PTPRK: variants seen among roughly 807,000 people sequenced by gnomAD.
PTPRK encodes the protein protein tyrosine phosphatase receptor type K, also known as receptor-type tyrosine-protein phosphatase kappa.
In PTPRK, 75 loss-of-function variants were observed where a neutral mutation model predicts 178.0. The observed-to-expected ratio is 0.42, with a 90% CI of 0.35 to 0.51. PTPRK has a LOEUF of 0.51. PTPRK is among the 20% of genes least tolerant of loss of function. The pLI, the probability that PTPRK is intolerant of heterozygous loss-of-function variation, is 0.02. For synonymous variants in PTPRK, 637 were observed against 620.6 expected (o/e 1.03, Z -0.39); for missense variants, 1,441 against 1,797.8 (o/e 0.80, Z 3.59).
chr6:128,456,297 G>A (rs952844172), intron 1 of PTPRK, among the ~76,000 whole-genome samples: 1 of 151,966 alleles, frequency 6.6e-6, no homozygotes, highest in Non-Finnish European at 1.5e-5. Flanking sequence ...CAGCCAGGGA[G>A]GCAGAAGCCC....
At chr6:128,491,263 A>T (rs1205869701) in intron 1 of PTPRK, among the ~76,000 whole-genome samples, 4 of 152,236 alleles carry the variant, frequency 2.6e-5, no homozygotes, top group Non-Finnish European at 5.9e-5. Flanking sequence ...TCTGTCTTTA[A>T]GATTTCTTGT....
chr6:128,126,059 G>C (rs1031807327), intron 7 of PTPRK, among the ~76,000 whole-genome samples: 5 of 151,404 alleles, frequency 3.3e-5, no homozygotes, highest in Non-Finnish European at 5.9e-5. Context: ...CTATTTTAAG[G>C]CTTTTTTTTT....
chr6:128,010,612 C>T lies in PTPRK; in HGVS notation c.2195-1344G>A, dbSNP rs187894984. On this transcript the variant is annotated intron_variant, in intron 13 of 29. Transcript: ENST00000368226. ...CTATTAATTTCTCAAAGTAAGAAAT[C>T]TGAAAGAATAAATATATCTAATGTA... Among the ~76,000 whole-genome samples the T allele has an allele frequency of 5.4e-3, 818 of 151,204 alleles. 6 individuals are homozygous for T. Among genetic ancestry groups the T allele is most frequent in the Non-Finnish European group, 8.8e-3 (595 of 67,468 alleles).
In PTPRK at chr6:127,990,852, C is replaced by T; in HGVS notation, c.3013G>A (p.Glu1005Lys). The T allele has an allele frequency of 6.2e-7, 1 of 1,610,692 alleles. No individual in the cohort carries two copies. The highest frequency in any genetic ancestry group is 2.2e-5 in the East Asian group (1 of 44,772). Residue 1005 changes from glutamate (E) to lysine (K), a missense_variant, in exon 21 of 30, where the codon GAA (glutamate) becomes AAA (lysine). Coordinates refer to ENST00000368226, the MANE Select transcript of PTPRK (RefSeq NM_002844.4). ...KCYKYWPDDT[E>K]VYGDFKVTCV... ...GTTACTTTGAAGTCACCATAAACTT[C>T]AGTATCATCAGGCCAATATTTATAG...
chr6:128,322,539 CAA>C (rs35942267), intron 2 of PTPRK, among the ~76,000 whole-genome samples: 2,191 of 152,112 alleles, frequency 0.014, 52 homozygotes, highest in African/African-American at 0.049. Context: ...TTAGTCTCCA[CAA>C]CAACCTGTTA....
intron 3 of PTPRK, among the ~76,000 whole-genome samples, chr6:128,299,863 T>G (rs971387362): frequency 6.6e-6 from 1 of 151,986 alleles, no homozygotes. Flanking sequence ...AAACCCAAAA[T>G]TGACAAATGG....
At chr6:128,239,345 C>T (rs1813954048) in intron 5 of PTPRK, among the ~76,000 whole-genome samples, 1 of 152,128 alleles carries the variant, frequency 6.6e-6, no homozygotes, top group Non-Finnish European at 1.5e-5. Flanking sequence ...CTCTCAGCTC[C>T]TCCCAGCCCC....
chr6:128,368,138 CTGAAATA>C (rs1455273247), intron 2 of PTPRK, among the ~76,000 whole-genome samples: 1 of 151,894 alleles, frequency 6.6e-6, no homozygotes, highest in Non-Finnish European at 1.5e-5. Flanking sequence ...CCCAATTTCA[CTGAAATA>C]TAGACATGAA....
intron 7 of PTPRK, among the ~76,000 whole-genome samples, chr6:128,166,781 T>C (rs1245795678): frequency 2.0e-5 from 3 of 151,834 alleles, no homozygotes; most frequent in Non-Finnish European, 1.5e-5. Context: ...CTTAGTATTC[T>C]TCTGTTAAAT....
intron 2 of PTPRK, among the ~76,000 whole-genome samples, chr6:128,356,424 T>A (rs1015982025): frequency 1.3e-5 from 2 of 152,226 alleles, no homozygotes; most frequent in African/African-American, 4.8e-5. Context: ...CAGTCACTAA[T>A]GAGCCCTTAA....
chr6:128,196,104 T>C (rs1371986461), intron 6 of PTPRK, among the ~76,000 whole-genome samples: 5 of 152,116 alleles, frequency 3.3e-5, no homozygotes, highest in Admixed American at 6.6e-5. Flanking sequence ...TACGTACTTC[T>C]AATAAGTCTT....
intron 2 of PTPRK, among the ~76,000 whole-genome samples, chr6:128,346,189 A>G (rs1049040256): frequency 2.3e-4 from 35 of 152,180 alleles, no homozygotes; most frequent in Middle Eastern, 3.4e-3. Context: ...ATAGAATTCT[A>G]TGATTTTTAG....
At chr6:128,369,576 G>C (rs1335552800) in intron 2 of PTPRK, among the ~76,000 whole-genome samples, 3 of 151,990 alleles carry the variant, frequency 2.0e-5, no homozygotes, top group African/African-American at 7.2e-5. Flanking sequence ...CATGTTCAAA[G>C]AATTATATTT....
intron 2 of PTPRK, among the ~76,000 whole-genome samples, chr6:128,388,798 G>A (rs187375269): frequency 2.0e-5 from 3 of 152,192 alleles, no homozygotes; most frequent in African/African-American, 2.4e-5. Context: ...TAAATGCTTG[G>A]GATCAGACAG....
In PTPRK at chr6:128,075,542, A is replaced by G. The variant is rs116628635; in HGVS notation, c.1883+3271T>C. Reference sequence around the variant, plus strand: ...TTTAGTACCACATTTTCTAGCTGTTATTATTGCACTTATCACACAGCATTG... The same window carrying G: ...TTTAGTACCACATTTTCTAGCTGTTGTTATTGCACTTATCACACAGCATTG... On this transcript the variant is annotated intron_variant, in intron 11 of 29. Transcript: ENST00000368226. Among the ~76,000 whole-genome samples, 552 of 152,114 alleles carry G rather than the reference A, an allele frequency of 3.6e-3. 4 individuals are homozygous for G. The highest frequency in any genetic ancestry group is 0.013 in the African/African-American group (532 of 41,526).
At chr6:128,331,455 G>T (rs930657535) in intron 2 of PTPRK, among the ~76,000 whole-genome samples, 1 of 148,400 alleles carries the variant, frequency 6.7e-6, no homozygotes, top group Non-Finnish European at 1.5e-5. Flanking sequence ...TTTAAGTATT[G>T]TTTTTTTTTC....
At chr6:128,361,043 A>C (rs911980811) in intron 2 of PTPRK, among the ~76,000 whole-genome samples, 5 of 152,176 alleles carry the variant, frequency 3.3e-5, no homozygotes, top group African/African-American at 4.8e-5. Context: ...TACTTGAAAT[A>C]AATATGTCTA....
At chr6:128,221,916 C>T (rs146417562) in intron 5 of PTPRK, among the ~76,000 whole-genome samples, 6 of 152,180 alleles carry the variant, frequency 3.9e-5, no homozygotes, top group Admixed American at 1.3e-4. Context: ...CCTCAGACTG[C>T]GTTTTTTTCA....
intron 7 of PTPRK, among the ~76,000 whole-genome samples, chr6:128,138,258 T>C (rs930118117): frequency 7.2e-5 from 11 of 152,130 alleles, no homozygotes; most frequent in African/African-American, 2.7e-4. Context: ...CTAGTAGAGA[T>C]GGCTTTCTGG....
Sources: gnomAD v4.1 joint callset for allele counts (sites outside exome capture counted in the v4.1 genomes callset) on GRCh38, gnomAD v4.1.1 for gene constraint, MANE v1.5 for transcripts, NCBI Gene and HGNC (gene_info 2026-07-23, HGNC 2026-07-21) for gene names.